Variants in RIMS2 observed in about 807,000 individuals in gnomAD.
The protein encoded by RIMS2 is regulating synaptic membrane exocytosis 2, also known as regulating synaptic membrane exocytosis protein 2.
A neutral mutation model predicts 174.4 loss-of-function variants in RIMS2; 59 were observed. The ratio of observed to expected loss-of-function variants is 0.34; its 90% CI spans 0.27 to 0.42. RIMS2 has a LOEUF of 0.42. Among genes scored for constraint, RIMS2 ranks in the 10% least tolerant of loss-of-function variants. The pLI is 1.00. For missense variants in RIMS2, 1,620 were observed against 1,666.3 expected, an observed-to-expected ratio of 0.97 and a Z score of 0.48; for synonymous variants, 606 against 572.5, an observed-to-expected ratio of 1.06 and a Z score of -0.84.
intron 3 of RIMS2, among the ~76,000 whole-genome samples, chr8:103,772,601 A>G (rs2098266520): frequency 6.6e-6 from 1 of 152,160 alleles, no homozygotes; most frequent in Non-Finnish European, 1.5e-5. Context: ...AATTTGATTT[A>G]TATATACAGA....
At chr8:103,845,135 CACTT>C (rs1474109816) in intron 3 of RIMS2, among the ~76,000 whole-genome samples, 2 of 152,048 alleles carry the variant, frequency 1.3e-5, no homozygotes. Flanking sequence ...AACCTACAAT[CACTT>C]TAATTTTAAG....
At chr8:103,993,713 A>G (rs2094879148) in intron 17 of RIMS2, among the ~76,000 whole-genome samples, 3 of 152,122 alleles carry the variant, frequency 2.0e-5, no homozygotes, top group Admixed American at 6.6e-5. Flanking sequence ...GGACTACAAC[A>G]TAAGGAAAGC....
intron 12 of RIMS2, among the ~76,000 whole-genome samples, chr8:103,934,931 T>C (rs745357889): frequency 3.3e-5 from 5 of 152,088 alleles, no homozygotes; most frequent in Non-Finnish European, 5.9e-5. Flanking sequence ...GTTCTTGACC[T>C]CGTGATCCAC....
At chr8:104,135,613 CAAAAAAAAA>C (rs35163912) in intron 19 of RIMS2, among the ~76,000 whole-genome samples, 1 of 79,652 alleles carries the variant, frequency 1.3e-5, no homozygotes, top group Middle Eastern at 6.8e-3. Context: ...CTCCCAACCT[CAAAAAAAAA>C]AAAAAAAAAA....
intron 19 of RIMS2, among the ~76,000 whole-genome samples, chr8:104,033,635 C>T (rs1275052917): frequency 2.7e-5 from 4 of 148,834 alleles, no homozygotes; most frequent in South Asian, 2.1e-4. Context: ...TTTGTTTTGG[C>T]GATTTTTTTT....
intron 2 of RIMS2, among the ~76,000 whole-genome samples, chr8:103,721,838 G>A (rs565581772): frequency 2.6e-5 from 4 of 152,206 alleles, no homozygotes; most frequent in East Asian, 1.9e-4. Flanking sequence ...AGCTATATAG[G>A]GTTGGTGGAT....
At chr8:103,962,169 G>A (rs2090347917) in intron 15 of RIMS2, among the ~76,000 whole-genome samples, 1 of 151,384 alleles carries the variant, frequency 6.6e-6, no homozygotes, top group Non-Finnish European at 1.5e-5. Context: ...CATTCAGATC[G>A]TTCATCTTGA....
In RIMS2 at chr8:103,802,471, A is replaced by G. The variant is rs57602224; in HGVS notation, c.698+35934A>G. Among the ~76,000 whole-genome samples, 736 of 152,222 alleles carry G rather than the reference A, an allele frequency of 4.8e-3. 7 individuals are homozygous for G. The highest frequency in any genetic ancestry group is 0.017 in the African/African-American group (709 of 41,536). ...CCCTTTGGCTCTCCCAATACACACC[A>G]GTGAAGTAATTCCGGTATTGGTCAA... On this transcript the variant is annotated intron_variant, in intron 3 of 23. Coordinates refer to ENST00000504942, the Ensembl canonical transcript of RIMS2.
chr8:104,245,437 C>T (rs1179145415), intron 20 of RIMS2, among the ~76,000 whole-genome samples: 2 of 152,126 alleles, frequency 1.3e-5, no homozygotes, highest in Non-Finnish European at 2.9e-5. Flanking sequence ...AGAATTATTG[C>T]TAAAAAATAT....
chr8:103,620,965 T>C lies in RIMS2; in HGVS notation c.177-76121T>C, dbSNP rs111660463. Reference sequence around the variant, plus strand: ...TTCACTGCATACTTTTTGTAACTTTTGAACTATGTGACTATATTATATATT... The same window carrying C: ...TTCACTGCATACTTTTTGTAACTTTCGAACTATGTGACTATATTATATATT... On this transcript the variant is annotated intron_variant, in intron 1 of 23. Coordinates refer to ENST00000504942, the Ensembl canonical transcript of RIMS2. Among the ~76,000 whole-genome samples the C allele has an allele frequency of 3.3e-3, 510 of 152,272 alleles. 2 individuals carry two copies. Among genetic ancestry groups the C allele is most frequent in the African/African-American group, 0.011 (438 of 41,556 alleles).
At position 103,754,394 on chromosome 8, in the gene RIMS2, A is replaced by G. The variant is rs530342551; in HGVS notation, c.388-11833A>G. Among the ~76,000 whole-genome samples, 4 of 152,286 alleles carry G rather than the reference A, an allele frequency of 2.6e-5. No homozygotes were observed. In the East Asian group the frequency reaches 7.7e-4, roughly 29 times the overall value. ...TAAGTGCGTTGTGGTGCTGAGAAGA[A>G]TGTATATTCTGTTGATTTGGGGTGG... On this transcript the variant is annotated intron_variant, in intron 2 of 23. Coordinates refer to ENST00000504942, the Ensembl canonical transcript of RIMS2.
intron 1 of RIMS2, among the ~76,000 whole-genome samples, chr8:103,692,631 T>C (rs759822401): frequency 6.6e-6 from 1 of 152,220 alleles, no homozygotes; most frequent in Non-Finnish European, 1.5e-5. Flanking sequence ...ACTGGGTTCT[T>C]TCCTTCAGGG....
chr8:103,661,823 C>G (rs1564194238), intron 1 of RIMS2, among the ~76,000 whole-genome samples: 1 of 152,112 alleles, frequency 6.6e-6, no homozygotes, highest in Non-Finnish European at 1.5e-5. Context: ...GTTTTTTGAG[C>G]ATGCCTTACC....
At chr8:104,190,420 C>T (rs143034839) in intron 19 of RIMS2, among the ~76,000 whole-genome samples, 6 of 152,170 alleles carry the variant, frequency 3.9e-5, no homozygotes, top group African/African-American at 7.2e-5. Context: ...TCTGGCTCTC[C>T]GTGACTTTCA....
chr8:103,566,545 A>G (rs1315295102), intron 1 of RIMS2, among the ~76,000 whole-genome samples: 1 of 152,184 alleles, frequency 6.6e-6, no homozygotes, highest in Non-Finnish European at 1.5e-5. Flanking sequence ...TTGCTTGGAT[A>G]TATTTACATA....
At chr8:103,899,980 C>G (rs922728478) in intron 4 of RIMS2, among the ~76,000 whole-genome samples, 2 of 151,648 alleles carry the variant, frequency 1.3e-5, no homozygotes, top group African/African-American at 2.4e-5. Flanking sequence ...ATAGGGAATC[C>G]TTTCCACATT....
chr8:103,634,557 C>G (rs572415500), intron 1 of RIMS2, among the ~76,000 whole-genome samples: 2 of 152,112 alleles, frequency 1.3e-5, no homozygotes, highest in African/African-American at 4.8e-5. Flanking sequence ...ATGCTGAGTT[C>G]GGGTTCTGAA....
At chr8:103,612,222 A>G (rs1238181760) in intron 1 of RIMS2, among the ~76,000 whole-genome samples, 1 of 152,152 alleles carries the variant, frequency 6.6e-6, no homozygotes, top group Non-Finnish European at 1.5e-5. Context: ...AGTTTTCTTA[A>G]AATAGCTATA....
At chr8:104,240,983 G>T (rs2099288211) in intron 19 of RIMS2, among the ~76,000 whole-genome samples, 2 of 152,112 alleles carry the variant, frequency 1.3e-5, no homozygotes, top group Non-Finnish European at 2.9e-5. Flanking sequence ...TGAGGAAACT[G>T]AGTCACAGAG....
Sources: gnomAD v4.1 joint callset for allele counts (sites outside exome capture counted in the v4.1 genomes callset) on GRCh38, gnomAD v4.1.1 for gene constraint, MANE v1.5 for transcripts, NCBI Gene and HGNC (gene_info 2026-07-23, HGNC 2026-07-21) for gene names.